The following PTPRM variants were observed in gnomAD, a reference collection of about 807,000 sequenced individuals.
PTPRM encodes receptor-type tyrosine-protein phosphatase mu.
PTPRM carries 47 observed loss-of-function variants against 186.7 expected under a neutral mutation model. The observed-to-expected ratio is 0.25, with a 90% CI of 0.20 to 0.32. PTPRM has a LOEUF of 0.32. Ranked by LOEUF, PTPRM falls within the 10% of genes least tolerant of loss-of-function variation. The probability of loss-of-function intolerance (pLI) is 1.00; values close to 1 mark genes in which losing one functional copy is unlikely to be tolerated. For synonymous variants in PTPRM, 668 were observed against 674.9 expected (o/e 0.99, Z 0.16); for missense variants, 1,494 against 1,865.0 (o/e 0.80, Z 3.66).
chr18:8,282,016 G>C (rs1002284475), intron 19 of PTPRM, among the ~76,000 whole-genome samples: 4 of 151,324 alleles, frequency 2.6e-5, no homozygotes, highest in African/African-American at 9.7e-5. Flanking sequence ...GAAGACTGGG[G>C]GAAAATATTT....
intron 2 of PTPRM, chr18:7,815,341 G>C (rs546936430): frequency 6.6e-6 from 1 of 152,358 alleles, no homozygotes; most frequent in South Asian, 2.1e-4. Context: ...CTTTGTCCTA[G>C]TAATTGGCCT....
At chr18:8,277,448 G>A (rs1172549242) in intron 19 of PTPRM, among the ~76,000 whole-genome samples, 2 of 152,224 alleles carry the variant, frequency 1.3e-5, no homozygotes, top group Non-Finnish European at 1.5e-5. Flanking sequence ...GGCACTGCAG[G>A]AGGCAGCCAA....
chr18:8,306,970 G>A (rs2095228528), intron 20 of PTPRM, among the ~76,000 whole-genome samples: 1 of 152,164 alleles, frequency 6.6e-6, no homozygotes, highest in South Asian at 2.1e-4. Context: ...GATTCAAGGT[G>A]AATGATATTT....
intron 23 of PTPRM, among the ~76,000 whole-genome samples, chr18:8,363,317 C>T (rs1013249234): frequency 1.3e-4 from 20 of 152,196 alleles, no homozygotes; most frequent in Non-Finnish European, 2.1e-4. Flanking sequence ...AGCATGTGAT[C>T]TAGTCTTTGG....
chr18:7,853,198 G>T (rs1445572597), intron 2 of PTPRM, among the ~76,000 whole-genome samples: 2 of 152,218 alleles, frequency 1.3e-5, no homozygotes, highest in African/African-American at 4.8e-5. Context: ...TATTGATACT[G>T]ATTCCTTCTT....
intron 1 of PTPRM, among the ~76,000 whole-genome samples, chr18:7,670,064 A>G (rs1004879356): frequency 1.3e-5 from 2 of 151,972 alleles, no homozygotes; most frequent in Non-Finnish European, 1.5e-5. Context: ...TTAAGTTAAC[A>G]TTTTCTAGTA....
intron 26 of PTPRM, 73 bp from the exon 27 acceptor site, chr18:8,378,192 G>T: frequency 4.8e-6 from 7 of 1,449,166 alleles, no homozygotes; most frequent in Non-Finnish European, 6.7e-6. Flanking sequence ...ATGATGTGGG[G>T]CTAAAATTGA....
At chr18:8,233,713 T>G (rs1156615031) in intron 14 of PTPRM, among the ~76,000 whole-genome samples, 2 of 152,212 alleles carry the variant, frequency 1.3e-5, no homozygotes, top group African/African-American at 4.8e-5. Context: ...AACTGAAAAG[T>G]CATTGCCATA....
chr18:8,095,063 C>G (rs1202718347), intron 11 of PTPRM, among the ~76,000 whole-genome samples: 1 of 152,038 alleles, frequency 6.6e-6, no homozygotes, highest in Non-Finnish European at 1.5e-5. Context: ...TCATGAGGTT[C>G]AAGCACAAGG....
chr18:8,122,384 C>T (rs114665734), intron 13 of PTPRM: 1 of 152,584 alleles, frequency 6.6e-6, no homozygotes, highest in African/African-American at 2.4e-5. Flanking sequence ...CTCTGTTTCC[C>T]CTCTACATTT....
intron 20 of PTPRM, among the ~76,000 whole-genome samples, chr18:8,299,704 G>T (rs2095135457): frequency 6.6e-6 from 1 of 152,234 alleles, no homozygotes; most frequent in African/African-American, 2.4e-5. Flanking sequence ...TAGTAAATGT[G>T]TTAGCCTTTA....
At chr18:8,338,369 G>A (rs1283791735) in intron 22 of PTPRM, among the ~76,000 whole-genome samples, 1 of 16,886 alleles carries the variant, frequency 5.9e-5, no homozygotes, top group Non-Finnish European at 1.4e-4. Context: ...AAATTGTAAT[G>A]CTTAAAAAAA....
intron 14 of PTPRM, among the ~76,000 whole-genome samples, chr18:8,180,949 G>C (rs189868081): frequency 9.7e-4 from 147 of 152,110 alleles, no homozygotes; most frequent in Admixed American, 2.3e-3. Context: ...ATGGCGGGTG[G>C]GGGGGCCCTC....
At chr18:8,238,221 C>A (rs576892153) in intron 14 of PTPRM, among the ~76,000 whole-genome samples, 3 of 152,252 alleles carry the variant, frequency 2.0e-5, no homozygotes, top group Non-Finnish European at 2.9e-5. Context: ...CTTGTATTCC[C>A]ATTACATGTA....
At chr18:8,374,726 A>G (rs2095684808) in intron 24 of PTPRM, among the ~76,000 whole-genome samples, 1 of 152,248 alleles carries the variant, frequency 6.6e-6, no homozygotes, top group South Asian at 2.1e-4. Context: ...TGGCATTTTC[A>G]CAGAGAAGTA....
intron 2 of PTPRM, among the ~76,000 whole-genome samples, chr18:7,790,744 A>G (rs755250487): frequency 6.6e-6 from 1 of 152,322 alleles, no homozygotes; most frequent in Middle Eastern, 3.4e-3. Flanking sequence ...TGCTATTTCT[A>G]CTAATCACCT....
At chr18:7,856,944 A>G (rs2047125610) in intron 2 of PTPRM, among the ~76,000 whole-genome samples, 1 of 152,196 alleles carries the variant, frequency 6.6e-6, no homozygotes, top group Non-Finnish European at 1.5e-5. Flanking sequence ...TGGGAGCATT[A>G]TCTCCTGGCT....
At chr18:8,300,027 T>C (rs1462079790) in intron 20 of PTPRM, among the ~76,000 whole-genome samples, 1 of 152,148 alleles carries the variant, frequency 6.6e-6, no homozygotes, top group Non-Finnish European at 1.5e-5. Context: ...CAGATGTGAT[T>C]TGTGTGTCTG....
intron 28 of PTPRM, 81 bp from the exon 29 acceptor site, chr18:8,380,214 CT>C: frequency 6.8e-7 from 1 of 1,467,334 alleles, no homozygotes; most frequent in Non-Finnish European, 9.4e-7. Flanking sequence ...GTGCCACAAG[CT>C]TCCTTCTGCA....
Sources: allele counts gnomAD v4.1 joint callset (sites outside exome capture counted in the v4.1 genomes callset), GRCh38; gene constraint gnomAD v4.1.1; transcripts MANE v1.5; gene names NCBI Gene and HGNC (gene_info 2026-07-23, HGNC 2026-07-21).